The following CAMTA1 variants were observed in gnomAD, a reference collection of about 807,000 sequenced individuals.
CAMTA1 encodes the protein calmodulin binding transcription activator 1.
Under a neutral mutation model 170.9 loss-of-function variants are expected in CAMTA1, and 27 were observed. That is an observed-to-expected ratio of 0.16 (90% CI 0.12 to 0.22). The LOEUF (loss-of-function observed/expected upper bound fraction) is 0.22, where lower values mean the gene tolerates loss of function less well. Among genes scored for constraint, CAMTA1 ranks in the 10% least tolerant of loss-of-function variants. CAMTA1 has a pLI of 1.00. For missense variants in CAMTA1, 1,619 were observed against 2,217.2 expected, an observed-to-expected ratio of 0.73 and a Z score of 5.42; for synonymous variants, 833 against 891.5, an observed-to-expected ratio of 0.93 and a Z score of 1.17.
At chr1:7,614,557 A>G (rs116600880) in intron 6 of CAMTA1, among the ~76,000 whole-genome samples, 1,798 of 152,232 alleles carry the variant, frequency 0.012, 24 homozygotes, top group African/African-American at 0.04. Flanking sequence ...TGGCGCTGAC[A>G]CGCTGAAGGC....
At chr1:7,122,993 CA>C (rs1185211095) in intron 4 of CAMTA1, among the ~76,000 whole-genome samples, 4 of 152,176 alleles carry the variant, frequency 2.6e-5, no homozygotes. Context: ...GGAGGACTCC[CA>C]GCTCTTCTGG....
chr1:7,760,086 C>G (rs1281073367), intron 22 of CAMTA1, among the ~76,000 whole-genome samples: 4 of 152,232 alleles, frequency 2.6e-5, no homozygotes, highest in African/African-American at 2.4e-5. Flanking sequence ...TTATAAACTG[C>G]TGGCCTAGTC....
intron 5 of CAMTA1, among the ~76,000 whole-genome samples, chr1:7,358,364 T>A (rs2085285180): frequency 6.6e-6 from 1 of 152,250 alleles, no homozygotes; most frequent in South Asian, 2.1e-4. Context: ...TTACGAGAAG[T>A]CAGAGCATGT....
At chr1:7,713,843 A>G (rs1226416960) in intron 11 of CAMTA1, among the ~76,000 whole-genome samples, 1 of 152,228 alleles carries the variant, frequency 6.6e-6, no homozygotes, top group African/African-American at 2.4e-5. Flanking sequence ...ATTGTTGTTA[A>G]GGGCTCTTTT....
At chr1:7,341,882 C>G (rs1321017789) in intron 5 of CAMTA1, among the ~76,000 whole-genome samples, 1 of 152,150 alleles carries the variant, frequency 6.6e-6, no homozygotes, top group Non-Finnish European at 1.5e-5. Flanking sequence ...CCAGGCTGCT[C>G]TTCTTCCTCG....
intron 6 of CAMTA1, among the ~76,000 whole-genome samples, chr1:7,516,300 T>C (rs1557851784): frequency 6.6e-6 from 1 of 152,278 alleles, no homozygotes; most frequent in Non-Finnish European, 1.5e-5. Flanking sequence ...GACATTTTAA[T>C]GTTATTAATT....
At chr1:7,428,460 C>T (rs920733472) in intron 5 of CAMTA1, among the ~76,000 whole-genome samples, 2 of 152,076 alleles carry the variant, frequency 1.3e-5, no homozygotes, top group Non-Finnish European at 2.9e-5. Context: ...GATTGTGTGG[C>T]TCTCATGACC....
chr1:7,175,285 G>T (rs368455199), intron 4 of CAMTA1, among the ~76,000 whole-genome samples: 3 of 152,216 alleles, frequency 2.0e-5, no homozygotes, highest in Non-Finnish European at 4.4e-5. Context: ...TAGAATATGT[G>T]ATGGAGACAG....
intron 5 of CAMTA1, among the ~76,000 whole-genome samples, chr1:7,397,911 A>C (rs1350854074): frequency 6.6e-6 from 1 of 152,036 alleles, no homozygotes; most frequent in East Asian, 1.9e-4. Flanking sequence ...CATATGGCCT[A>C]TCTTGGAGAA....
chr1:7,009,529 T>G (rs1461637024), intron 3 of CAMTA1, among the ~76,000 whole-genome samples: 1 of 152,138 alleles, frequency 6.6e-6, no homozygotes, highest in Non-Finnish European at 1.5e-5. Flanking sequence ...GCCAGGCCTG[T>G]TTTGCTGCCA....
intron 7 of CAMTA1, among the ~76,000 whole-genome samples, chr1:7,657,991 C>T (rs914178790): frequency 6.6e-6 from 1 of 152,184 alleles, no homozygotes; most frequent in Middle Eastern, 3.2e-3. Context: ...GCCTGATCGG[C>T]GGTTGTCAGA....
intron 6 of CAMTA1, among the ~76,000 whole-genome samples, chr1:7,631,125 C>G (rs796998765): frequency 3.3e-4 from 50 of 152,326 alleles, no homozygotes; most frequent in African/African-American, 1.2e-3. Context: ...GATGTGGAGA[C>G]AGGGACATCT....
At chr1:7,071,997 A>G (rs1330797734) in intron 3 of CAMTA1, among the ~76,000 whole-genome samples, 1 of 152,120 alleles carries the variant, frequency 6.6e-6, no homozygotes, top group Non-Finnish European at 1.5e-5. Context: ...GCTTTTCTGC[A>G]TTGCATCTCC....
rs1285836872 is a variant in CAMTA1, at chr1:7,745,006, A to C, written c.4354A>C (p.Ser1452Arg). Residue 1452 changes from serine to arginine, a missense_variant, in exon 17 of 23, where the codon AGT (serine) becomes CGT (arginine). Around this residue, in one of 8 missense-constraint regions of CAMTA1, gnomAD observed 370 missense variants for 429.4 expected, o/e 0.86. Transcript: ENST00000303635. ...TCTAGCGGATGCTGACTGCCTTCCCAGTGCTGCCCAGATCCGGTGAGTAAA... is the reference window on the plus strand; with the variant it reads ...TCTAGCGGATGCTGACTGCCTTCCCCGTGCTGCCCAGATCCGGTGAGTAAA... ...SYLADADCLP[S>R]AAQIRSAYNE... 4 of 1,613,136 alleles carry C rather than the reference A, an allele frequency of 2.5e-6. No homozygotes were observed. The highest frequency in any genetic ancestry group is 2.5e-6 in the Non-Finnish European group (3 of 1,179,584).
chr1:6,877,149 G>A (rs1346387761), intron 3 of CAMTA1, among the ~76,000 whole-genome samples: 1 of 152,236 alleles, frequency 6.6e-6, no homozygotes, highest in African/African-American at 2.4e-5. Flanking sequence ...TTAACTGCCT[G>A]CCTCTAGACA....
rs1367618971 is a variant in CAMTA1 at position 6,884,742 on chromosome 1, A to AAC, written c.234+59533_234+59534insCA. 2.8e-4 allele frequency among the ~76,000 whole-genome samples: 43 copies of AAC among 152,348 alleles called. 1 individual carries two copies. The highest frequency in any genetic ancestry group is 6.8e-3 in the Middle Eastern group (2 of 294). On this transcript the variant is annotated intron_variant, in intron 3 of 22. Transcript: ENST00000303635. ...TGGATGCCTTATGTGTTGAAGGAAT[A>AAC]ATTACTTGTTCATTTTGTAGTGCTA...
intron 4 of CAMTA1, among the ~76,000 whole-genome samples, chr1:7,246,749 C>T (rs1665875734): frequency 6.8e-6 from 1 of 147,360 alleles, no homozygotes; most frequent in Non-Finnish European, 1.5e-5. Context: ...TCACTGCAAC[C>T]TCTGCCTCCC....
chr1:7,242,349 G>T (rs1170964026), intron 4 of CAMTA1, among the ~76,000 whole-genome samples: 2 of 152,186 alleles, frequency 1.3e-5, no homozygotes, highest in Non-Finnish European at 2.9e-5. Context: ...ATGGAAAATG[G>T]TGCTGCCATG....
At chr1:7,002,411 C>T (rs116587471) in intron 3 of CAMTA1, among the ~76,000 whole-genome samples, 3,387 of 152,220 alleles carry the variant, frequency 0.022, 116 homozygotes, top group African/African-American at 0.078. Context: ...TCTAAGGCTG[C>T]CTATTATTGC....
Sources: allele counts gnomAD v4.1 joint callset (sites outside exome capture counted in the v4.1 genomes callset), GRCh38; gene constraint gnomAD v4.1.1; regional missense constraint gnomAD v4.1.1; transcripts MANE v1.5; gene names NCBI Gene and HGNC (gene_info 2026-07-23, HGNC 2026-07-21).